The following STON2 variants were observed in gnomAD, a reference collection of about 807,000 sequenced individuals.
The protein encoded by STON2 is stonin-2.
STON2 carries 29 observed loss-of-function variants against 65.7 expected under a neutral mutation model. That is an observed-to-expected ratio of 0.44 (90% CI 0.33 to 0.60). STON2 has a LOEUF of 0.60. Among genes scored for constraint, STON2 ranks in the 20% least tolerant of loss-of-function variants. The probability of loss-of-function intolerance (pLI) is 0.03; values close to 1 mark genes in which losing one functional copy is unlikely to be tolerated. For synonymous variants in STON2, 404 were observed against 414.2 expected, an observed-to-expected ratio of 0.98 and a Z score of 0.30; for missense variants, 1,054 against 1,118.1, an observed-to-expected ratio of 0.94 and a Z score of 0.82.
chr14:81,422,938 G>A (rs968245144), intron 2 of STON2, among the ~76,000 whole-genome samples: 6 of 152,030 alleles, frequency 3.9e-5, no homozygotes, highest in Admixed American at 2.6e-4. Flanking sequence ...AAGAGGCTGA[G>A]GTAGGAAAAT....
At chr14:81,378,128 G>A (rs545964042) in intron 3 of STON2, among the ~76,000 whole-genome samples, 2 of 152,144 alleles carry the variant, frequency 1.3e-5, no homozygotes, top group East Asian at 3.9e-4. Context: ...TTACAGGCAT[G>A]AGCCACCACA....
chr14:81,409,810 A>G (rs184193177), intron 2 of STON2, among the ~76,000 whole-genome samples: 3 of 152,294 alleles, frequency 2.0e-5, no homozygotes, highest in African/African-American at 7.2e-5. Context: ...ACCAGCATCC[A>G]TTTCTTCTCA....
chr14:81,425,989 G>C (rs527492331), intron 2 of STON2, among the ~76,000 whole-genome samples: 1 of 152,326 alleles, frequency 6.6e-6, no homozygotes, highest in South Asian at 2.1e-4. Context: ...ACATGTGACT[G>C]TCACCACTCC....
intron 4 of STON2, among the ~76,000 whole-genome samples, chr14:81,327,345 T>G (rs1034778693): frequency 2.6e-5 from 4 of 152,222 alleles, no homozygotes; most frequent in African/African-American, 7.2e-5. Flanking sequence ...TGCAATTTAC[T>G]TCTTGAAGAA....
chr14:81,410,973 G>C (rs542844093), intron 2 of STON2, among the ~76,000 whole-genome samples: 20 of 152,258 alleles, frequency 1.3e-4, no homozygotes, highest in African/African-American at 4.1e-4. Context: ...TACACATGTC[G>C]CACTTTGAAA....
chr14:81,293,424 G>A (rs1350624859), intron 5 of STON2, among the ~76,000 whole-genome samples: 4 of 151,892 alleles, frequency 2.6e-5, no homozygotes, highest in Admixed American at 1.3e-4. Flanking sequence ...TACCTGCCTC[G>A]GCCTCCCAAA....
At chr14:81,400,880 C>T (rs1900579293), upstream of STON2, among the ~76,000 whole-genome samples, 1 of 152,086 alleles carries the variant, frequency 6.6e-6, no homozygotes, top group Non-Finnish European at 1.5e-5. Flanking sequence ...TAATAAAACT[C>T]ACTCCATAAT....
At chr14:81,308,587 G>A (rs1426296685) in intron 5 of STON2, among the ~76,000 whole-genome samples, 1 of 151,662 alleles carries the variant, frequency 6.6e-6, no homozygotes, top group Non-Finnish European at 1.5e-5. Context: ...TTTATTCAAG[G>A]GTATCCCTCT....
intron 4 of STON2, among the ~76,000 whole-genome samples, chr14:81,332,719 T>C (rs563076591): frequency 6.6e-6 from 1 of 152,378 alleles, no homozygotes; most frequent in South Asian, 2.1e-4. Context: ...TTGCTCTTTA[T>C]GGATTCAAGA....
chr14:81,372,310 T>A (rs140820364), intron 3 of STON2, among the ~76,000 whole-genome samples: 2,733 of 152,194 alleles, frequency 0.018, 94 homozygotes, highest in African/African-American at 0.063. Flanking sequence ...TCCCAGGACT[T>A]TGGAAAGCCA....
In STON2 at chr14:81,284,662, T is replaced by C. The variant is rs2140139896; in HGVS notation, c.743-5923A>G. Among the ~76,000 whole-genome samples the C allele has an allele frequency of 2.0e-5, 3 of 152,292 alleles. No individual in the cohort carries two copies. In the South Asian group the frequency reaches 6.2e-4, roughly 32 times the overall value. ...ACCTAATATAATTGAGGAAGGTGGC[T>C]ACACTAAGCAACAGATTTTCACTGA... On this transcript the variant is annotated intron_variant, in intron 5 of 7. Transcript: ENST00000614646.
At chr14:81,373,944 T>A (rs1899124789) in intron 3 of STON2, among the ~76,000 whole-genome samples, 1 of 150,812 alleles carries the variant, frequency 6.6e-6, no homozygotes, top group Admixed American at 6.6e-5. Flanking sequence ...CTAGTTTAAG[T>A]ACTTCCAGGT....
chr14:81,332,993 T>G (rs569060962), intron 4 of STON2: 25 of 526,884 alleles, frequency 4.7e-5, no homozygotes, highest in African/African-American at 4.4e-4. Flanking sequence ...ACTTTGGCCT[T>G]TGCAGTCCCC....
chr14:81,409,432 T>TAA lies in STON2; in HGVS notation c.-198-10853_-198-10852insTT, dbSNP rs1345201157. Among the ~76,000 whole-genome samples the TAA allele has an allele frequency of 5.3e-3, 80 of 14,976 alleles. 2 individuals carry two copies. The South Asian group carries it at 0.063, about 12-fold the overall frequency. The allele number at this position is 14,976 out of a possible 152,430, so 9.8% of individuals were successfully genotyped here. A position where few individuals can be genotyped will look rare whatever the true frequency, so the allele number is the denominator to read the frequency against. ...AAAAAAATAAAAATAAATATAAAAA[T>TAA]ATATATATATATATTTACTTATTTA... On this transcript the variant is annotated intron_variant, in intron 2 of 8. Coordinates refer to the STON2 transcript ENST00000553821.
chr14:81,270,262 T>G (rs1351475873), intron 7 of STON2: 2 of 552,980 alleles, frequency 3.6e-6, no homozygotes. Context: ...ATTTTGTACT[T>G]TTTATAGAGA....
intron 5 of STON2, among the ~76,000 whole-genome samples, chr14:81,299,933 A>G (rs982647159): frequency 2.1e-4 from 32 of 152,110 alleles, no homozygotes; most frequent in Admixed American, 1.2e-3. Context: ...ATTCCAATAA[A>G]AACTCCCAGG....
chr14:81,381,698 C>T (rs1243883964), intron 3 of STON2, among the ~76,000 whole-genome samples: 1 of 152,088 alleles, frequency 6.6e-6, no homozygotes, highest in African/African-American at 2.4e-5. Flanking sequence ...GAAATGGAGC[C>T]ACAGTGTCTT....
chr14:81,291,715 CTAA>C (rs1895560845), intron 5 of STON2, among the ~76,000 whole-genome samples: 1 of 150,826 alleles, frequency 6.6e-6, no homozygotes, highest in South Asian at 2.1e-4. Flanking sequence ...ATTTATTATT[CTAA>C]TAAATTAGTT....
At chr14:81,352,765 C>T (rs1898074032) in intron 4 of STON2, among the ~76,000 whole-genome samples, 1 of 152,190 alleles carries the variant, frequency 6.6e-6, no homozygotes, top group Non-Finnish European at 1.5e-5. Context: ...AGTATTACCA[C>T]ATTAGCCATT....
Sources: allele counts gnomAD v4.1 joint callset (sites outside exome capture counted in the v4.1 genomes callset), GRCh38; gene constraint gnomAD v4.1.1; transcripts MANE v1.5; gene names NCBI Gene and HGNC (gene_info 2026-07-23, HGNC 2026-07-21).